ATP8A2: variants seen among roughly 807,000 people sequenced by gnomAD.
ATP8A2 encodes the protein phospholipid-transporting ATPase IB.
In ATP8A2, 100 loss-of-function variants were observed where a neutral mutation model predicts 165.6. That is an observed-to-expected ratio of 0.60 (90% CI 0.51 to 0.71). The LOEUF (loss-of-function observed/expected upper bound fraction) is 0.71. Among genes scored for constraint, ATP8A2 ranks in the 30% least tolerant of loss-of-function variants. ATP8A2 has a pLI of 0.00. For synonymous variants in ATP8A2, 543 were observed against 548.8 expected, an observed-to-expected ratio of 0.99 and a Z score of 0.15; for missense variants, 1,227 against 1,479.5, an observed-to-expected ratio of 0.83 and a Z score of 2.80.
At chr13:25,559,882 C>A (rs1474936665) in intron 15 of ATP8A2, 117 bp downstream of exon 15, 2 of 745,494 alleles carry the variant, frequency 2.7e-6, no homozygotes, top group African/African-American at 3.5e-5. Flanking sequence ...GGATGGAGTG[C>A]AGTGATACTG....
At chr13:25,691,386 G>A (rs2042721977) in intron 24 of ATP8A2, among the ~76,000 whole-genome samples, 1 of 152,214 alleles carries the variant, frequency 6.6e-6, no homozygotes, top group Admixed American at 6.5e-5. Context: ...TTTCTGTAGA[G>A]GCTTACATGC....
intron 33 of ATP8A2, among the ~76,000 whole-genome samples, chr13:25,945,713 C>T (rs1234436346): frequency 1.3e-5 from 2 of 152,162 alleles, no homozygotes; most frequent in African/African-American, 2.4e-5. Context: ...TTAAAGAAAA[C>T]ATTGGAGAAA....
intron 33 of ATP8A2, among the ~76,000 whole-genome samples, chr13:25,921,277 T>G (rs566862671): frequency 6.6e-6 from 1 of 152,192 alleles, no homozygotes; most frequent in South Asian, 2.1e-4. Context: ...GTACATATCA[T>G]GGACTCTTTT....
rs1029653726 is a variant in ATP8A2 at position 25,582,067 on chromosome 13, T to C, written c.2146+110T>C. ...AAATTCATTGACAGATGATGTTTTATAGGAATCTTCATTCACAAGGCTAAG... is the reference window on the plus strand; with the variant it reads ...AAATTCATTGACAGATGATGTTTTACAGGAATCTTCATTCACAAGGCTAAG... On this transcript the variant is annotated intron_variant, in intron 23 of 36. Coordinates refer to ENST00000381655, the MANE Select transcript of ATP8A2 (RefSeq NM_016529.6). 4 of 1,119,758 alleles carry C rather than the reference T, an allele frequency of 3.6e-6. No homozygotes were observed. The African/African-American group carries it at 6.3e-5, about 18-fold the overall frequency. 69.4% of individuals were successfully genotyped at this position (1,119,758 alleles called of 1,614,324 possible).
At chr13:25,933,082 A>G (rs1954806750) in intron 33 of ATP8A2, among the ~76,000 whole-genome samples, 1 of 152,202 alleles carries the variant, frequency 6.6e-6, no homozygotes, top group Admixed American at 6.5e-5. Flanking sequence ...TCCTGATCTC[A>G]GGTGATCCGT....
At chr13:25,943,897 T>C (rs1384538407) in intron 33 of ATP8A2, among the ~76,000 whole-genome samples, 1 of 152,218 alleles carries the variant, frequency 6.6e-6, no homozygotes, top group Non-Finnish European at 1.5e-5. Flanking sequence ...GACTGCTTGC[T>C]CAGTTAGCAC....
At chr13:25,468,397 C>T (rs1490013529) in intron 1 of ATP8A2, among the ~76,000 whole-genome samples, 2 of 152,192 alleles carry the variant, frequency 1.3e-5, no homozygotes, top group Non-Finnish European at 2.9e-5. Flanking sequence ...GCGAGCTCTT[C>T]ACCCTGGGGT....
chr13:25,632,550 C>T (rs775553143), intron 24 of ATP8A2, among the ~76,000 whole-genome samples: 7 of 152,156 alleles, frequency 4.6e-5, no homozygotes, highest in African/African-American at 1.7e-4. Context: ...ACATATTTCA[C>T]AATATCACAC....
At chr13:25,663,001 C>T (rs1288885842) in intron 24 of ATP8A2, among the ~76,000 whole-genome samples, 3 of 152,186 alleles carry the variant, frequency 2.0e-5, no homozygotes, top group African/African-American at 7.2e-5. Flanking sequence ...TTGATGGCTG[C>T]CCTTCCCTGT....
At chr13:25,627,627 C>T (rs2041136514) in intron 24 of ATP8A2, among the ~76,000 whole-genome samples, 1 of 152,152 alleles carries the variant, frequency 6.6e-6, no homozygotes, top group African/African-American at 2.4e-5. Context: ...AATTGGCTGA[C>T]ACCTTGATCT....
chr13:25,862,167 A>G, intron 32 of ATP8A2, 134 bp from the exon 33 acceptor site: 2 of 623,668 alleles, frequency 3.2e-6, no homozygotes, highest in Non-Finnish European at 5.8e-6. Context: ...TGAACTTCCC[A>G]TTAACTGGTG....
chr13:25,927,053 G>A (rs1593573288), intron 33 of ATP8A2: 1 of 444,670 alleles, frequency 2.2e-6, no homozygotes, highest in Non-Finnish European at 4.6e-6. Context: ...TGATTGTTTT[G>A]TGTTTGATTT....
intron 33 of ATP8A2, among the ~76,000 whole-genome samples, chr13:25,900,075 C>T (rs1336359052): frequency 2.0e-5 from 3 of 152,070 alleles, no homozygotes; most frequent in Admixed American, 6.5e-5. Context: ...CTTTATTTCT[C>T]ATAAAGGGTT....
intron 24 of ATP8A2, among the ~76,000 whole-genome samples, chr13:25,643,854 G>A (rs959929263): frequency 6.6e-6 from 1 of 151,632 alleles, no homozygotes; most frequent in Admixed American, 6.6e-5. Context: ...GTGTAGCATG[G>A]ACAATTTAAC....
chr13:25,664,752 A>G (rs11842034), intron 24 of ATP8A2, among the ~76,000 whole-genome samples: 10,648 of 152,188 alleles, frequency 0.07, 1,005 homozygotes, highest in East Asian at 0.24. Context: ...AGATTTTTCC[A>G]CATCCCAATT....
rs533768733 is a variant in ATP8A2, at chr13:25,671,012, G to A, written c.2212-28161G>A. 1.1e-4 allele frequency among the ~76,000 whole-genome samples: 16 copies of A among 152,316 alleles called. No homozygotes were observed. The South Asian group carries it at 1.5e-3, about 14-fold the overall frequency. On this transcript the variant is annotated intron_variant, in intron 24 of 36. Coordinates refer to ENST00000381655, the MANE Select transcript of ATP8A2 (RefSeq NM_016529.6). Reference sequence around the variant, plus strand: ...GACAGGTATAGTGGAGCAGTGTTGCGGGAAGTCAGGGACCCCAAACGGAGG... The same window carrying A: ...GACAGGTATAGTGGAGCAGTGTTGCAGGAAGTCAGGGACCCCAAACGGAGG...
chr13:25,793,696 G>A (rs117722045), intron 27 of ATP8A2, among the ~76,000 whole-genome samples: 1 of 151,862 alleles, frequency 6.6e-6, no homozygotes, highest in Admixed American at 6.6e-5. Flanking sequence ...AACTGTTGTT[G>A]GTAATAGCAA....
intron 30 of ATP8A2, among the ~76,000 whole-genome samples, chr13:25,859,568 A>G (rs1952281955): frequency 6.7e-6 from 1 of 150,284 alleles, no homozygotes; most frequent in East Asian, 1.9e-4. Context: ...GAAAAGAAAA[A>G]AAAAAAAAGG....
intron 2 of ATP8A2, among the ~76,000 whole-genome samples, chr13:25,512,805 C>G (rs192627141): frequency 7.0e-6 from 1 of 143,448 alleles, no homozygotes; most frequent in African/African-American, 2.6e-5. Flanking sequence ...ATCTCCCTCC[C>G]GTACGGGGCG....
Sources: gnomAD v4.1 joint callset for allele counts (sites outside exome capture counted in the v4.1 genomes callset) on GRCh38, gnomAD v4.1.1 for gene constraint, MANE v1.5 for transcripts, NCBI Gene and HGNC (gene_info 2026-07-23, HGNC 2026-07-21) for gene names.